The following PIEZO2 variants were observed in gnomAD, a reference collection of about 807,000 sequenced individuals.
The protein encoded by PIEZO2 is piezo-type mechanosensitive ion channel component 2.
Under a neutral mutation model 337.3 loss-of-function variants are expected in PIEZO2, and 172 were observed. The observed-to-expected ratio is 0.51, with a 90% confidence interval of 0.45 to 0.58. The LOEUF is 0.58. Among genes scored for constraint, PIEZO2 ranks in the 20% least tolerant of loss-of-function variants. The pLI, the probability that PIEZO2 is intolerant of heterozygous loss-of-function variation, is 0.00. For synonymous variants in PIEZO2, 1,251 were observed against 1,228.5 expected (o/e 1.02, Z -0.38); for missense variants, 3,028 against 3,391.3 (o/e 0.89, Z 2.66).
chr18:11,089,420 C>T (rs1375721134), intron 1 of PIEZO2, among the ~76,000 whole-genome samples: 1 of 152,182 alleles, frequency 6.6e-6, no homozygotes, highest in Admixed American at 6.5e-5. Context: ...GTATCATTCA[C>T]TTCACTAAAA....
At chr18:11,043,419 TG>T (rs1429201402) in intron 2 of PIEZO2, among the ~76,000 whole-genome samples, 3 of 152,222 alleles carry the variant, frequency 2.0e-5, no homozygotes, top group Non-Finnish European at 4.4e-5. Context: ...AAAAATTACT[TG>T]TTGTATGTCT....
At chr18:10,884,940 T>C (rs1280522932) in intron 4 of PIEZO2, among the ~76,000 whole-genome samples, 2 of 152,044 alleles carry the variant, frequency 1.3e-5, no homozygotes, top group African/African-American at 2.4e-5. Context: ...TTCCTTCTCA[T>C]TTATTTCCAC....
At chr18:10,686,241 A>C (rs926609680) in intron 49 of PIEZO2, among the ~76,000 whole-genome samples, 1 of 152,232 alleles carries the variant, frequency 6.6e-6, no homozygotes, top group Non-Finnish European at 1.5e-5. Context: ...GATCACTAGC[A>C]ATCTAGCGAA....
rs1308067385 is a variant in PIEZO2 at position 11,039,014 on chromosome 18, G to A, written c.160+27113C>T. ...GGGCAAAAGATATTGTTTAGGATAT[G>A]TGTCTAATTCACAAAATTAGTCTTA... On this transcript the variant is annotated intron_variant, in intron 2 of 55. Transcript: ENST00000674853. Among the ~76,000 whole-genome samples the A allele has an allele frequency of 2.0e-5, 3 of 152,306 alleles. No homozygotes were observed. The East Asian group carries it at 5.8e-4, about 29-fold the overall frequency.
rs1323106255 is a variant in PIEZO2, at chr18:10,903,181, C to G, written c.329+8005G>C. On this transcript the variant is annotated intron_variant, in intron 4 of 55. Coordinates refer to ENST00000674853, the MANE Select transcript of PIEZO2 (RefSeq NM_001378183.1). This position sits in a 1 kb window ranked among gnomAD's most constrained non-coding sequence, Gnocchi z 4.1. ...TACCTAAAATGCGTTTGGCATACAT[C>G]TGCATGTCACACTCACACTGTCCCT... is the stretch of plus-strand genomic sequence containing the variant. Among the ~76,000 whole-genome samples the G allele has an allele frequency of 6.6e-6, 1 of 152,178 alleles. No individual in the cohort carries two copies. Among genetic ancestry groups the G allele is most frequent in the Non-Finnish European group, 1.5e-5 (1 of 68,030 alleles).
chr18:11,071,809 G>A (rs1027266776), intron 1 of PIEZO2, among the ~76,000 whole-genome samples: 3 of 152,174 alleles, frequency 2.0e-5, no homozygotes, highest in East Asian at 1.9e-4. Flanking sequence ...CCAGGAGGCC[G>A]GATCATGCCA....
rs1555631512 is a variant in PIEZO2 at position 10,720,234 on chromosome 18, G to GCGTATATATATATATATATATATATA, written c.5030-1976_5030-1975insTATATATATATATATATATATATACG. 3.6e-3 allele frequency among the ~76,000 whole-genome samples: 435 copies of GCGTATATATATATATATATATATATA among 119,864 alleles called. 15 individuals are homozygous for GCGTATATATATATATATATATATATA. Among genetic ancestry groups the GCGTATATATATATATATATATATATA allele is most frequent in the African/African-American group, 0.014 (409 of 29,864 alleles). 78.6% of individuals were successfully genotyped at this position (119,864 alleles called of 152,430 possible). On this transcript the variant is annotated intron_variant, in intron 36 of 55. Transcript: ENST00000674853. ...TATATATGAATATATGTGTGTGTGT[G>GCGTATATATATATATATATATATATA]TATATATATATATATGGAGCCCAGG...
chr18:10,779,937 T>C (rs559389469), intron 18 of PIEZO2, among the ~76,000 whole-genome samples: 6 of 152,276 alleles, frequency 3.9e-5, no homozygotes, highest in African/African-American at 1.4e-4. Flanking sequence ...CGGATTACTC[T>C]TAGCAGGAAT....
At chr18:10,991,549 A>G (rs1568273359) in intron 2 of PIEZO2, among the ~76,000 whole-genome samples, 2 of 152,124 alleles carry the variant, frequency 1.3e-5, no homozygotes, top group Non-Finnish European at 2.9e-5. Context: ...GTCCCTGCAA[A>G]GGACATGAAC....
intron 7 of PIEZO2, among the ~76,000 whole-genome samples, chr18:10,839,129 A>C (rs1172448225): frequency 6.6e-6 from 1 of 152,196 alleles, no homozygotes; most frequent in Non-Finnish European, 1.5e-5. Flanking sequence ...TGTTTCTAGA[A>C]TATGTAGAGA....
Position 10,787,034 on chromosome 18 carries a change from ACTTTT to A in PIEZO2, c.2315_2318+1del. On this transcript the variant is annotated splice_donor_variant and coding_sequence_variant, in exon 16 of 56. Coordinates refer to ENST00000674853, the MANE Select transcript of PIEZO2 (RefSeq NM_001378183.1). LOFTEE classifies it high-confidence loss of function. The stretch of plus-strand genomic sequence containing the variant: ...CATCATTTTCAACTCAAAATCACTT[ACTTTT>A]CTTTTTTCAGTCCAGTCATATTTTG... 5 of 1,528,954 alleles carry A rather than the reference ACTTTT, an allele frequency of 3.3e-6. No homozygotes were observed. The highest frequency in any genetic ancestry group is 4.4e-6 in the Non-Finnish European group (5 of 1,142,654). The allele number at this position is 1,528,954 out of a possible 1,614,324, so 94.7% of individuals were successfully genotyped here. A position where few individuals can be genotyped will look rare whatever the true frequency, so the allele number is the denominator to read the frequency against.
chr18:10,961,578 T>C (rs2033781190), intron 3 of PIEZO2, among the ~76,000 whole-genome samples: 1 of 152,058 alleles, frequency 6.6e-6, no homozygotes, highest in Non-Finnish European at 1.5e-5. Context: ...ATTAAAAACA[T>C]AAAAATTTTA....
chr18:11,041,259 A>G (rs1328882104), intron 2 of PIEZO2, among the ~76,000 whole-genome samples: 1 of 152,258 alleles, frequency 6.6e-6, no homozygotes, highest in African/African-American at 2.4e-5. Flanking sequence ...TTCAAAGTTC[A>G]GAGAAGCTGC....
rs1299401088 is a variant in PIEZO2, at chr18:10,705,352, C to T, written c.5983G>A (p.Glu1995Lys). The change falls in exon 41 of 56, where the codon GAG becomes AAG. Residue 1995 changes from glutamate (E) to lysine (K), a missense_variant. Glu to Lys is a moderately conservative substitution (Grantham distance 56). This residue lies in a region of PIEZO2 where 1,925 missense variants were observed against 2,051.9 expected (regional missense o/e 0.94). Coordinates refer to ENST00000674853, the MANE Select transcript of PIEZO2 (RefSeq NM_001378183.1). ...GACCCTTACTTTTTCAGCAGCAGCTCGCTGGCCGTCAGCTCATGGGTCAGG... is the reference window on the plus strand; with the variant it reads ...GACCCTTACTTTTTCAGCAGCAGCTTGCTGGCCGTCAGCTCATGGGTCAGG... ...PPLTHELTAS[E>K]LLLKKMFHDD... 3.3e-6 allele frequency: 5 copies of T among 1,533,710 alleles called. No homozygotes were observed. Among genetic ancestry groups the T allele is most frequent in the African/African-American group, 1.4e-5 (1 of 72,984 alleles).
At position 11,101,801 on chromosome 18, in the gene PIEZO2, A is replaced by C. The variant is rs910665510; in HGVS notation, c.65-35579T>G. Among the ~76,000 whole-genome samples the C allele has an allele frequency of 1.3e-5, 2 of 152,238 alleles. No homozygotes were observed. Among genetic ancestry groups the C allele is most frequent in the Non-Finnish European group, 2.9e-5 (2 of 68,046 alleles). ...GGAAAAATGTAGACCCCGACCAGGC[A>C]GAAGGCCTCGGCTACTCCCATGCTA... On this transcript the variant is annotated intron_variant, in intron 1 of 55. Transcript: ENST00000674853. This position sits in a 1 kb window ranked among gnomAD's most constrained non-coding sequence, Gnocchi z 4.4.
Position 11,096,219 on chromosome 18 carries a change from T to C in PIEZO2, c.65-29997A>G, listed in dbSNP as rs2039259971. Among the ~76,000 whole-genome samples, 1 of 152,174 alleles carries C rather than the reference T, an allele frequency of 6.6e-6. No individual in the cohort carries two copies. Among genetic ancestry groups the C allele is most frequent in the Non-Finnish European group, 1.5e-5 (1 of 68,042 alleles). On this transcript the variant is annotated intron_variant, in intron 1 of 55. Coordinates refer to ENST00000674853, the MANE Select transcript of PIEZO2 (RefSeq NM_001378183.1). The surrounding 1 kb of genome is among the most constrained non-coding windows in gnomAD (Gnocchi z 4.6). The stretch of plus-strand genomic sequence containing the variant: ...CTAGAGCCCTGGGGTGAAGAAGCCA[T>C]GAGAAGGACCACGTGCCCTTTGCCA...
At chr18:10,735,418 A>G (rs1021249051) in intron 34 of PIEZO2, among the ~76,000 whole-genome samples, 88 bp from the exon 35 acceptor site, 2 of 152,184 alleles carry the variant, frequency 1.3e-5, no homozygotes, top group African/African-American at 4.8e-5. Context: ...ATTTGTCTCT[A>G]CAGTTACACC....
chr18:10,852,640 C>A (rs2041588598), intron 7 of PIEZO2, among the ~76,000 whole-genome samples: 1 of 152,334 alleles, frequency 6.6e-6, no homozygotes, highest in South Asian at 2.1e-4. Flanking sequence ...TGAAAGGATG[C>A]AAACCTGTAT....
At position 10,982,654 on chromosome 18, in the gene PIEZO2, A is replaced by G. The variant is rs980202446; in HGVS notation, c.161-2994T>C. 1.3e-5 allele frequency among the ~76,000 whole-genome samples: 2 copies of G among 152,220 alleles called. No homozygotes were observed. Among genetic ancestry groups the G allele is most frequent in the African/African-American group, 4.8e-5 (2 of 41,464 alleles). On this transcript the variant is annotated intron_variant, in intron 2 of 55. Coordinates refer to ENST00000674853, the MANE Select transcript of PIEZO2 (RefSeq NM_001378183.1). This position sits in a 1 kb window ranked among gnomAD's most constrained non-coding sequence, Gnocchi z 4.1. ...CATGTAAATTTTGAAATTTTGAAGA[A>G]TACGATCGAAAGTGGGTGAGGTTGG...
Sources: gnomAD v4.1 joint callset for allele counts (sites outside exome capture counted in the v4.1 genomes callset) on GRCh38, gnomAD v4.1.1 for gene constraint, gnomAD v4.1.1 regional missense constraint, Gnocchi (gnomAD v3.1) non-coding constraint, MANE v1.5 for transcripts, NCBI Gene and HGNC (gene_info 2026-07-23, HGNC 2026-07-21) for gene names.